Variants in DOCK1 observed in about 807,000 individuals in gnomAD.
DOCK1 encodes dedicator of cytokinesis protein 1.
Under a neutral mutation model 262.7 loss-of-function variants are expected in DOCK1, and 138 were observed. The observed-to-expected ratio is 0.53, with a 90% CI of 0.46 to 0.61. DOCK1 has a LOEUF of 0.61. Among genes scored for constraint, DOCK1 ranks in the 20% least tolerant of loss-of-function variants. DOCK1 has a pLI of 0.00. For missense variants in DOCK1, 1,908 were observed against 2,370.7 expected (o/e 0.80, Z 4.05); for synonymous variants, 866 against 867.4 (o/e 1.00, Z 0.03).
At chr10:127,243,391 C>G (rs957576989) in intron 27 of DOCK1, among the ~76,000 whole-genome samples, 9 of 152,130 alleles carry the variant, frequency 5.9e-5, no homozygotes, top group Non-Finnish European at 1.2e-4. Flanking sequence ...GAATGTCCCC[C>G]TGCTCCACCA....
chr10:127,121,455 A>ATGTGTGTGTATGTG (rs2049564052), intron 25 of DOCK1, among the ~76,000 whole-genome samples: 1 of 148,260 alleles, frequency 6.7e-6, no homozygotes, highest in African/African-American at 2.5e-5. Flanking sequence ...GTATATGTAT[A>ATGTGTGTGTATGTG]TGTGTGTGTG....
chr10:127,180,400 T>A (rs1172113168), intron 27 of DOCK1, among the ~76,000 whole-genome samples: 1 of 152,208 alleles, frequency 6.6e-6, no homozygotes, highest in Non-Finnish European at 1.5e-5. Flanking sequence ...CAGGAGTTCA[T>A]AAAGTTTATT....
intron 27 of DOCK1, among the ~76,000 whole-genome samples, chr10:127,141,237 C>T (rs1477130515): frequency 3.9e-5 from 6 of 152,218 alleles, no homozygotes; most frequent in Non-Finnish European, 1.5e-5. Context: ...ATTATTCGTT[C>T]CCATATTACT....
intron 38 of DOCK1, among the ~76,000 whole-genome samples, chr10:127,386,466 T>G (rs1225402614): frequency 6.6e-6 from 1 of 151,698 alleles, no homozygotes; most frequent in African/African-American, 2.4e-5. Context: ...CCACCTGAGC[T>G]CCACCTCCTG....
At chr10:127,448,682 G>T (rs1268778781) in intron 51 of DOCK1, among the ~76,000 whole-genome samples, 1 of 152,110 alleles carries the variant, frequency 6.6e-6, no homozygotes, top group Non-Finnish European at 1.5e-5. Flanking sequence ...TGGACAGCTG[G>T]CCGTATTTTT....
chr10:127,312,628 G>T (rs964580141), intron 29 of DOCK1, among the ~76,000 whole-genome samples: 4 of 152,186 alleles, frequency 2.6e-5, no homozygotes, highest in African/African-American at 9.6e-5. Context: ...CCTGCCAAAT[G>T]TCTTACGGGC....
chr10:127,187,575 C>T (rs932651379), intron 27 of DOCK1, among the ~76,000 whole-genome samples: 3 of 151,968 alleles, frequency 2.0e-5, no homozygotes, highest in Non-Finnish European at 2.9e-5. Context: ...TATCCTGCCA[C>T]GTAGAAGAAA....
intron 1 of DOCK1, among the ~76,000 whole-genome samples, chr10:126,941,727 C>G (rs2035022021): frequency 6.6e-6 from 1 of 151,930 alleles, no homozygotes; most frequent in African/African-American, 2.4e-5. Context: ...TGCACTCCAG[C>G]CTGGGCGACA....
At chr10:127,257,498 G>A (rs966430594) in intron 29 of DOCK1, 69 bp downstream of exon 29, 4 of 1,399,050 alleles carry the variant, frequency 2.9e-6, no homozygotes, top group South Asian at 1.3e-5. Context: ...GAACAGTGGT[G>A]TTGCCTGGAG....
intron 27 of DOCK1, among the ~76,000 whole-genome samples, chr10:127,222,971 C>T (rs1389001968): frequency 1.3e-5 from 2 of 152,050 alleles, no homozygotes; most frequent in South Asian, 2.1e-4. Context: ...GCCGCTGTGC[C>T]GAGCCAGTTT....
intron 47 of DOCK1, among the ~76,000 whole-genome samples, chr10:127,429,599 C>T (rs112004582): frequency 2.0e-5 from 3 of 152,206 alleles, no homozygotes; most frequent in Non-Finnish European, 4.4e-5. Flanking sequence ...AAGATGTGGA[C>T]GCCCTCTGAC....
intron 13 of DOCK1, among the ~76,000 whole-genome samples, chr10:127,020,153 A>G (rs1186444664): frequency 6.6e-6 from 1 of 152,228 alleles, no homozygotes; most frequent in Non-Finnish European, 1.5e-5. Context: ...GTCAATTCTG[A>G]AGCTATTGCT....
At chr10:127,267,651 C>T (rs1160298773) in intron 29 of DOCK1, among the ~76,000 whole-genome samples, 1 of 152,222 alleles carries the variant, frequency 6.6e-6, no homozygotes, top group East Asian at 1.9e-4. Flanking sequence ...CTGGCTGGTA[C>T]TGATGCCGCA....
At chr10:127,259,846 G>A (rs985917357) in intron 29 of DOCK1, among the ~76,000 whole-genome samples, 1 of 148,408 alleles carries the variant, frequency 6.7e-6, no homozygotes, top group Non-Finnish European at 1.5e-5. Flanking sequence ...CATCATAGCC[G>A]CATCATTCTC....
At chr10:127,376,034 G>A (rs2065467414) in intron 35 of DOCK1, among the ~76,000 whole-genome samples, 2 of 152,084 alleles carry the variant, frequency 1.3e-5, no homozygotes, top group African/African-American at 2.4e-5. Context: ...CACTTTCAAC[G>A]CATTAGTACA....
intron 22 of DOCK1, among the ~76,000 whole-genome samples, chr10:127,056,378 G>T (rs1313551983): frequency 6.6e-6 from 1 of 152,050 alleles, no homozygotes; most frequent in East Asian, 1.9e-4. Flanking sequence ...CTAATTTTTT[G>T]TAGGACATGG....
intron 1 of DOCK1, among the ~76,000 whole-genome samples, chr10:126,937,144 G>A (rs986264597): frequency 6.6e-6 from 1 of 152,182 alleles, no homozygotes; most frequent in South Asian, 2.1e-4. Flanking sequence ...ATGGTTCACT[G>A]TATTTTAGCA....
chr10:127,072,288 C>G (rs913313067), intron 23 of DOCK1, among the ~76,000 whole-genome samples: 12 of 152,152 alleles, frequency 7.9e-5, no homozygotes, highest in African/African-American at 2.9e-4. Flanking sequence ...GTGCCAGGCA[C>G]TGTGCTAGGC....
intron 18 of DOCK1, among the ~76,000 whole-genome samples, chr10:127,036,039 T>TAAAA (rs755071838): frequency 4.8e-5 from 7 of 146,908 alleles, no homozygotes; most frequent in South Asian, 2.1e-4. Flanking sequence ...AATAAATAAA[T>TAAAA]AAATAAAAAA....
Sources: gnomAD v4.1 joint callset for allele counts (sites outside exome capture counted in the v4.1 genomes callset) on GRCh38, gnomAD v4.1.1 for gene constraint, MANE v1.5 for transcripts, NCBI Gene and HGNC (gene_info 2026-07-23, HGNC 2026-07-21) for gene names.